The following MCTP1 variants were observed in gnomAD, a reference collection of about 807,000 sequenced individuals.
MCTP1 encodes multiple C2 and transmembrane domain-containing protein 1.
In MCTP1, 69 loss-of-function variants were observed where a neutral mutation model predicts 120.6. That is an observed-to-expected ratio of 0.57 (90% CI 0.47 to 0.70). The LOEUF (loss-of-function observed/expected upper bound fraction) is 0.70, where lower values mean the gene tolerates loss of function less well. Among genes scored for constraint, MCTP1 ranks in the 30% least tolerant of loss-of-function variants. The pLI, the probability that MCTP1 is intolerant of heterozygous loss-of-function variation, is 0.00. For synonymous variants in MCTP1, 529 were observed against 493.1 expected, an observed-to-expected ratio of 1.07 and a Z score of -0.96; for missense variants, 1,203 against 1,248.8, an observed-to-expected ratio of 0.96 and a Z score of 0.55.
At chr5:95,029,621 G>A (rs1224922177) in intron 1 of MCTP1, among the ~76,000 whole-genome samples, 1 of 59,148 alleles carries the variant, frequency 1.7e-5, no homozygotes, top group Admixed American at 1.5e-4. Flanking sequence ...GAAAGACTTG[G>A]TGAGAGCACT....
intron 1 of MCTP1, among the ~76,000 whole-genome samples, chr5:95,258,799 C>T (rs1278426351): frequency 1.3e-5 from 2 of 152,100 alleles, no homozygotes; most frequent in Non-Finnish European, 2.9e-5. Context: ...ACCTTGTCAA[C>T]AATTAACCCC....
At chr5:95,275,222 T>C (rs1379311743) in intron 1 of MCTP1, among the ~76,000 whole-genome samples, 3 of 152,236 alleles carry the variant, frequency 2.0e-5, no homozygotes, top group African/African-American at 4.8e-5. Context: ...AGATATATTT[T>C]ATTTAACCTA....
Position 94,714,901 on chromosome 5 carries a change from A to AAAAG in MCTP1, c.2611-19_2611-16dup, listed in dbSNP as rs754262211. 14 of 1,472,702 alleles carry AAAAG rather than the reference A, an allele frequency of 9.5e-6. No homozygotes were observed. In the East Asian group the frequency reaches 2.9e-4, roughly 31 times the overall value. 91.2% of individuals were successfully genotyped at this position (1,472,702 alleles called of 1,614,324 possible). On this transcript the variant is annotated splice_polypyrimidine_tract_variant and intron_variant, in intron 19 of 22. Coordinates refer to ENST00000515393, the MANE Select transcript of MCTP1 (RefSeq NM_024717.7). ...TTTTCACTGTCCTAAAATGCAATAA[A>AAAAG]AAAGAAATTCTGTATGAGTAAAGGT...
At position 94,873,224 on chromosome 5, in the gene MCTP1, A is replaced by G. The variant is rs371437740; in HGVS notation, c.1951T>C (p.Cys651Arg). Residue 651 changes from cysteine to arginine, a missense_variant, in exon 13 of 23, where the codon TGT becomes CGT. Transcript: ENST00000515393. ...ADVTGKSDPF[C>R]VVELNNDRLL... is the part of the protein sequence containing the mutation. ...CTATCGTTGTTCAGTTCTACCACAC[A>G]AAATGGGTCACTTTTTCCTACAAGA... The G allele has an allele frequency of 1.6e-5, 25 of 1,605,184 alleles. No individual in the cohort carries two copies. Among genetic ancestry groups the G allele is most frequent in the Non-Finnish European group, 2.0e-5 (24 of 1,172,802 alleles).
Position 94,749,678 on chromosome 5 carries a change from AAAAAAAAAT to A in MCTP1, c.2610+29423_2610+29431del, listed in dbSNP as rs1431971258. On this transcript the variant is annotated intron_variant, in intron 19 of 22. Coordinates refer to ENST00000515393, the MANE Select transcript of MCTP1 (RefSeq NM_024717.7). ...TCAAAAAAAAAAAAAAAAAAAAAAA[AAAAAAAAAT>A]ATCAAGGCAGTGGAAAATGAGCTAC... Among the ~76,000 whole-genome samples, 827 of 150,822 alleles carry A rather than the reference AAAAAAAAAT, an allele frequency of 5.5e-3. 11 individuals carry two copies. Among genetic ancestry groups the A allele is most frequent in the African/African-American group, 0.02 (802 of 40,640 alleles).
At chr5:95,157,444 T>C (rs1213703146) in intron 1 of MCTP1, among the ~76,000 whole-genome samples, 1 of 152,190 alleles carries the variant, frequency 6.6e-6, no homozygotes, top group East Asian at 1.9e-4. Context: ...TGAAAGCTAG[T>C]TTTCTAATTT....
At chr5:95,214,122 A>C (rs540004404) in intron 1 of MCTP1, among the ~76,000 whole-genome samples, 28 of 152,416 alleles carry the variant, frequency 1.8e-4, no homozygotes, top group African/African-American at 6.7e-4. Flanking sequence ...TCATTTGACA[A>C]AGGGCTAATA....
chr5:95,069,283 C>T (rs532794416), intron 1 of MCTP1, among the ~76,000 whole-genome samples: 1 of 152,196 alleles, frequency 6.6e-6, no homozygotes, highest in Non-Finnish European at 1.5e-5. Context: ...ATAGCATAAA[C>T]ATTTGTACGT....
At chr5:94,752,947 C>A (rs1400358244) in intron 19 of MCTP1, among the ~76,000 whole-genome samples, 1 of 152,216 alleles carries the variant, frequency 6.6e-6, no homozygotes, top group Non-Finnish European at 1.5e-5. Context: ...GCCACTAACA[C>A]AACAGAAAGC....
chr5:94,913,039 G>A (rs545773797), intron 8 of MCTP1, 63 bp from the exon 9 acceptor site: 142 of 1,296,458 alleles, frequency 1.1e-4, no homozygotes, highest in East Asian at 9.3e-4. Flanking sequence ...TCATTTTGGC[G>A]TTACCTTTTC....
intron 2 of MCTP1, among the ~76,000 whole-genome samples, chr5:94,966,807 AC>A (rs1407559357): frequency 9.2e-5 from 14 of 151,836 alleles, no homozygotes; most frequent in Non-Finnish European, 1.5e-5. Context: ...AAAAAAAAAA[AC>A]AACAAAACCA....
intron 18 of MCTP1, among the ~76,000 whole-genome samples, chr5:94,783,555 G>A (rs866436619): frequency 6.6e-6 from 1 of 152,018 alleles, no homozygotes; most frequent in Non-Finnish European, 1.5e-5. Context: ...GAACAAAAAT[G>A]TATAAGAGAG....
rs933231791 is a variant in MCTP1, at chr5:94,707,666, G to A, written c.2929-99C>T. ...GAGAGACGGTGCTTGGGGGAAGAAA[G>A]TGCTCACTCTAGAAGCTGTATGGGA... On this transcript the variant is annotated intron_variant, in intron 22 of 22. Transcript: ENST00000515393. 1.2e-4 allele frequency: 99 copies of A among 850,144 alleles called. 1 individual carries two copies. Among genetic ancestry groups the A allele is most frequent in the Non-Finnish European group, 1.5e-4 (73 of 502,326 alleles). 52.7% of individuals were successfully genotyped at this position (850,144 alleles called of 1,614,324 possible). A position where few individuals can be genotyped will look rare whatever the true frequency, so the allele number is the denominator to read the frequency against.
chr5:95,282,901 G>T (rs1486699991), intron 1 of MCTP1, among the ~76,000 whole-genome samples: 1 of 152,162 alleles, frequency 6.6e-6, no homozygotes, highest in Non-Finnish European at 1.5e-5. Flanking sequence ...AAGTTTTAAT[G>T]CAAGTGTCAT....
chr5:95,086,188 A>C (rs1187334554), intron 1 of MCTP1, among the ~76,000 whole-genome samples: 1 of 152,178 alleles, frequency 6.6e-6, no homozygotes, highest in Non-Finnish European at 1.5e-5. Context: ...TCTAAAGGGG[A>C]ACTGAGAAAA....
intron 1 of MCTP1, among the ~76,000 whole-genome samples, chr5:95,278,862 T>C (rs911361594): frequency 6.6e-6 from 1 of 151,302 alleles, no homozygotes; most frequent in African/African-American, 2.4e-5. Context: ...CTCGGGAGGC[T>C]GAGGTGGAAG....
At chr5:94,766,791 T>A (rs1164341539) in intron 19 of MCTP1, among the ~76,000 whole-genome samples, 1 of 151,858 alleles carries the variant, frequency 6.6e-6, no homozygotes, top group African/African-American at 2.4e-5. Context: ...ATTGAGTCAG[T>A]AACACAATGT....
intron 19 of MCTP1, among the ~76,000 whole-genome samples, chr5:94,735,925 C>A (rs1764121490): frequency 6.6e-6 from 1 of 152,168 alleles, no homozygotes; most frequent in African/African-American, 2.4e-5. Flanking sequence ...GGCAGTACAG[C>A]AATTGGGTAA....
intron 2 of MCTP1, among the ~76,000 whole-genome samples, chr5:94,954,957 A>C (rs897417632): frequency 6.6e-6 from 1 of 152,182 alleles, no homozygotes; most frequent in Admixed American, 6.5e-5. Flanking sequence ...AAGAAAATCA[A>C]AGTTGATTCC....
Sources: gnomAD v4.1 joint callset for allele counts (sites outside exome capture counted in the v4.1 genomes callset) on GRCh38, gnomAD v4.1.1 for gene constraint, MANE v1.5 for transcripts, NCBI Gene and HGNC (gene_info 2026-07-23, HGNC 2026-07-21) for gene names.